Variants in SNX12 observed in about 807,000 individuals in gnomAD.
The protein encoded by SNX12 is sorting nexin 12, also known as sorting nexin-12.
For synonymous variants in SNX12, 47 were observed against 56.0 expected (o/e 0.84, Z 0.71); for missense variants, 62 against 141.3 (o/e 0.44, Z 2.84).
chrX:71,065,305 C>T (rs1202203487), intron 1 of SNX12, among the ~76,000 whole-genome samples: 4 of 101,821 alleles, frequency 3.9e-5, no homozygotes, highest in Non-Finnish European at 5.9e-5. Context: ...CTGCAGTGAG[C>T]CGAGATCATG....
chrX:71,068,296 G>T lies in SNX12; in HGVS notation c.11C>A (p.Thr4Lys). 1.7e-6 allele frequency: 2 copies of T among 1,199,703 alleles called. No individual in the cohort carries two copies. Among genetic ancestry groups the T allele is most frequent in the Non-Finnish European group, 2.2e-6 (2 of 889,146 alleles). Residue 4 changes from threonine (T) to lysine (K), a missense_variant, in exon 1 of 4, where the codon ACG (threonine) becomes AAG (lysine). By Grantham distance (78) the Thr-to-Lys change is moderately conservative. Transcript: ENST00000374274. ...AAGGCGCCGGGTATCAGCTACTGCCGTGTCCGACATCTTTCCGAAGGAGAG... is the reference window on the plus strand; with the variant it reads ...AAGGCGCCGGGTATCAGCTACTGCCTTGTCCGACATCTTTCCGAAGGAGAG... MSDTAVADTRRLNS... is the reference protein window; with the variant it reads MSDKAVADTRRLNS...
Position 71,060,996 on chromosome X carries a change from G to A in SNX12, c.*20C>T. 1 of 1,114,231 alleles carries A rather than the reference G, an allele frequency of 9.0e-7. No homozygotes were observed. The highest frequency in any genetic ancestry group is 1.2e-6 in the Non-Finnish European group (1 of 809,959). The allele number at this position is 1,114,231 out of a possible 1,213,427, so 91.8% of individuals were successfully genotyped here. On this transcript the variant is annotated 3_prime_UTR_variant, in exon 4 of 4. Coordinates refer to ENST00000374274, the MANE Select transcript of SNX12 (RefSeq NM_013346.4). ...TGTCATTTCAGCAGGAAAGTAGAGG[G>A]CAGGTGGTGAGAGGGGCTCCTACTG...
At chrX:71,065,960 C>T (rs1460866639) in intron 1 of SNX12, among the ~76,000 whole-genome samples, 1 of 105,255 alleles carries the variant, frequency 9.5e-6, no homozygotes, top group African/African-American at 3.5e-5. Flanking sequence ...GCCTGGGTGA[C>T]AGAGCGAGAC....
chrX:71,060,194 C>A lies in SNX12; in HGVS notation c.*822G>T, dbSNP rs184979378. 8.9e-6 allele frequency: 1 copy of A among 112,285 alleles called. No individual in the cohort carries two copies. The highest frequency in any genetic ancestry group is 2.8e-4 in the East Asian group (1 of 3,570). 9.3% of individuals were successfully genotyped at this position (112,285 alleles called of 1,213,427 possible). A position where few individuals can be genotyped will look rare whatever the true frequency, so the allele number is the denominator to read the frequency against. ...CTGGCAGTGGTGAGTTGCCCCCACC[C>A]CTCAAGCCACCAAACCTGCAAAGCT... On this transcript the variant is annotated 3_prime_UTR_variant, in exon 4 of 4. Transcript: ENST00000374274.
chrX:71,061,908 A>G lies in SNX12; in HGVS notation c.321T>C (p.Asp107=). The G allele has an allele frequency of 8.3e-7, 1 of 1,203,698 alleles. No homozygotes were observed. The highest frequency in any genetic ancestry group is 1.1e-6 in the Non-Finnish European group (1 of 890,453). ...ALKRQLPFRG[D]EGIFEESFIE... ...TGAAAGACTCCTCAAAGATCCCTTC[A>G]TCTCCTCGGAAAGGGAGCTGCCGCT... Residue 107 remains aspartate (D), a synonymous_variant, in exon 3 of 4, where the codon GAT becomes GAC. Transcript: ENST00000374274.
intron 3 of SNX12, 32 bp downstream of exon 3, chrX:71,061,811 T>C (rs1569476680): frequency 8.4e-7 from 1 of 1,186,779 alleles, no homozygotes; most frequent in African/African-American, 1.8e-5. Flanking sequence ...ATGGCAAAAG[T>C]AGCAAGTGGA....
At position 71,060,851 on chromosome X, in the gene SNX12, C is replaced by T. The variant is rs1388178532; in HGVS notation, c.*165G>A. 6 of 266,899 alleles carry T rather than the reference C, an allele frequency of 2.2e-5. No homozygotes were observed. Among genetic ancestry groups the T allele is most frequent in the African/African-American group, 1.9e-4 (6 of 31,704 alleles). 22.0% of individuals were successfully genotyped at this position (266,899 alleles called of 1,213,427 possible). A position where few individuals can be genotyped will look rare whatever the true frequency, so the allele number is the denominator to read the frequency against. ...CTCTCCTCAGAGAAGAGGATCCTAGCAGAGTGCCCACATGGTGTAGTCAGG... is the reference window on the plus strand; with the variant it reads ...CTCTCCTCAGAGAAGAGGATCCTAGTAGAGTGCCCACATGGTGTAGTCAGG... On this transcript the variant is annotated 3_prime_UTR_variant, in exon 4 of 4. Transcript: ENST00000374274.
At chrX:71,068,029 T>A in intron 1 of SNX12, 113 bp downstream of exon 1, 1 of 647,718 alleles carries the variant, frequency 1.5e-6, no homozygotes, top group Non-Finnish European at 2.2e-6. Context: ...AACCCCCAAA[T>A]GACCCCTAAG....
intron 1 of SNX12, among the ~76,000 whole-genome samples, chrX:71,064,350 C>G (rs754960222): frequency 8.9e-6 from 1 of 112,189 alleles, no homozygotes; most frequent in Non-Finnish European, 1.9e-5. Context: ...ACTCTTCTGA[C>G]AGTTATACTT....
chrX:71,070,597 G>A (rs1254404301), upstream of SNX12, among the ~76,000 whole-genome samples: 1 of 111,628 alleles, frequency 9.0e-6, no homozygotes, highest in Non-Finnish European at 1.9e-5. Context: ...GAGATGTCCA[G>A]CGAGTAGCTG....
chrX:71,068,097 G>C (rs773044502), intron 1 of SNX12, 45 bp downstream of exon 1: 23 of 812,102 alleles, frequency 2.8e-5, no homozygotes, highest in South Asian at 2.1e-4. Flanking sequence ...TCCCGCTCGC[G>C]CCGCCCGGTC....
upstream of SNX12, chrX:71,068,344 G>C (rs372123272): frequency 9.0e-7 from 1 of 1,109,761 alleles, no homozygotes; most frequent in Non-Finnish European, 1.2e-6. Context: ...GAAAGGGGGT[G>C]GGGGACAGAG....
upstream of SNX12, among the ~76,000 whole-genome samples, chrX:71,070,306 A>T (rs984030417): frequency 1.3e-4 from 14 of 111,893 alleles, no homozygotes; most frequent in African/African-American, 4.2e-4. Context: ...GAAGGTATTG[A>T]CAATAAGACT....
At chrX:71,068,803 C>A (rs750767415), upstream of SNX12, among the ~76,000 whole-genome samples, 7 of 112,198 alleles carry the variant, frequency 6.2e-5, no homozygotes, top group Non-Finnish European at 1.3e-4. Flanking sequence ...AACAATAGTA[C>A]TGAGAACCTA....
intron 3 of SNX12, among the ~76,000 whole-genome samples, chrX:71,061,495 G>C (rs1208437475): frequency 8.9e-6 from 1 of 112,292 alleles, no homozygotes; most frequent in African/African-American, 3.2e-5. Flanking sequence ...CACTTTGGGA[G>C]GCCAAGGCAG....
intron 1 of SNX12, 26 bp downstream of exon 1, chrX:71,068,116 G>T: frequency 9.2e-7 from 1 of 1,088,897 alleles, no homozygotes. Flanking sequence ...TCCTCCCTCA[G>T]CTGTCTCCCT....
upstream of SNX12, among the ~76,000 whole-genome samples, chrX:71,070,821 TGAA>T (rs780327368): frequency 9.0e-6 from 1 of 111,252 alleles, no homozygotes; most frequent in East Asian, 2.8e-4. Context: ...AACTTTGACT[TGAA>T]GAAACTTGTA....
upstream of SNX12, among the ~76,000 whole-genome samples, chrX:71,071,653 CATT>C (rs1411213222): frequency 1.4e-4 from 4 of 27,780 alleles, no homozygotes; most frequent in Non-Finnish European, 2.3e-4. Context: ...ATATCTATAT[CATT>C]ATATATAATT....
At chrX:71,062,249 A>G (rs1440693902) in intron 2 of SNX12, among the ~76,000 whole-genome samples, 1 of 110,159 alleles carries the variant, frequency 9.1e-6, no homozygotes, top group Non-Finnish European at 1.9e-5. Flanking sequence ...TTTAGCTAGG[A>G]TTTTCCTGAC....
Sources: gnomAD v4.1 joint callset for allele counts (sites outside exome capture counted in the v4.1 genomes callset) on GRCh38, gnomAD v4.1.1 for gene constraint, MANE v1.5 for transcripts, NCBI Gene and HGNC (gene_info 2026-07-23, HGNC 2026-07-21) for gene names.